ERICH2: variants seen among roughly 807,000 people sequenced by gnomAD.
The protein encoded by ERICH2 is glutamate-rich protein 2.
In ERICH2, 17 loss-of-function variants were observed where a neutral mutation model predicts 17.4. The observed-to-expected ratio is 0.98, with a 90% CI of 0.67 to 1.47. ERICH2 has a LOEUF of 1.47. Among genes scored for constraint, ERICH2 ranks in the 40% most tolerant of loss-of-function variants. The pLI is 0.00. For synonymous variants in ERICH2, 51 were observed against 61.1 expected (o/e 0.83, Z 0.77); for missense variants, 186 against 183.2 (o/e 1.01, Z -0.09).
upstream of ERICH2, among the ~76,000 whole-genome samples, chr2:170,781,255 T>C (rs1157633942): frequency 6.6e-6 from 1 of 152,168 alleles, no homozygotes; most frequent in African/African-American, 2.4e-5. Flanking sequence ...CTTTACATCT[T>C]TTTATATATT....
chr2:170,788,742 G>T (rs1701213432), intron 2 of ERICH2, among the ~76,000 whole-genome samples: 1 of 152,014 alleles, frequency 6.6e-6, no homozygotes, highest in African/African-American at 2.4e-5. Flanking sequence ...CTCCCAAAGT[G>T]CTGGGATTAC....
upstream of ERICH2, among the ~76,000 whole-genome samples, chr2:170,779,416 A>G (rs1190081452): frequency 6.6e-6 from 1 of 152,162 alleles, no homozygotes; most frequent in Non-Finnish European, 1.5e-5. Context: ...GACTCTATAA[A>G]CCACAAGTTT....
At chr2:170,795,514 ATTTTTGTAT>A (rs1198718689) in intron 3 of ERICH2, among the ~76,000 whole-genome samples, 49 of 152,058 alleles carry the variant, frequency 3.2e-4, no homozygotes, top group African/African-American at 9.2e-4. Flanking sequence ...TGCCCAGGTA[ATTTTTGTAT>A]TTTTTGTAGA....
At chr2:170,777,675 G>A in the ERICH2 span, 1 of 1,234,124 alleles carries the variant, frequency 8.1e-7, no homozygotes, top group Middle Eastern at 2.1e-4. Flanking sequence ...ACGAAGCAAT[G>A]TCAGAGTAAG....
the ERICH2 span, chr2:170,770,990 C>A: frequency 1.3e-5 from 2 of 148,486 alleles, no homozygotes; most frequent in South Asian, 1.9e-4. Flanking sequence ...CGCCCCCGCC[C>A]CCGCCACCTC....
chr2:170,796,440 G>GTTTTTT (rs370083171), intron 3 of ERICH2, among the ~76,000 whole-genome samples: 1 of 83,450 alleles, frequency 1.2e-5, no homozygotes. Flanking sequence ...TTTTTTTTTT[G>GTTTTTT]TTTTTTTTTT....
At chr2:170,792,740 C>T (rs1267838478) in intron 2 of ERICH2, 123 bp from the exon 8 acceptor site, 7 of 611,426 alleles carry the variant, frequency 1.1e-5, no homozygotes, top group Non-Finnish European at 1.7e-5. Flanking sequence ...TATAGACTGA[C>T]TCCTGGAAAA....
chr2:170,798,134 C>T, intron 4 of ERICH2, 22 bp downstream of exon 9: 1 of 1,442,820 alleles, frequency 6.9e-7, no homozygotes, highest in Middle Eastern at 1.7e-4. Flanking sequence ...AATTGAAATT[C>T]CTTGTTTCTC....
intron 2 of ERICH2, among the ~76,000 whole-genome samples, chr2:170,789,234 G>A (rs889895110): frequency 2.6e-5 from 4 of 151,836 alleles, no homozygotes; most frequent in Non-Finnish European, 4.4e-5. Context: ...CAAAGTGTTG[G>A]GATTACAGGC....
At chr2:170,798,182 C>G in intron 4 of ERICH2, 70 bp downstream of exon 9, 2 of 1,044,422 alleles carry the variant, frequency 1.9e-6, no homozygotes, top group East Asian at 5.2e-5. Context: ...ACCCATTATC[C>G]CGGGAGATTG....
exon 4 of ERICH2, chr2:170,798,048 C>A (rs1476632718): frequency 1.3e-6 from 2 of 1,547,058 alleles, no homozygotes; most frequent in South Asian, 2.4e-5. Context: ...CAGTCCTAAT[C>A]TATGAACCAG....
At chr2:170,787,708 G>T (rs1394479138) in intron 2 of ERICH2, among the ~76,000 whole-genome samples, 1 of 152,120 alleles carries the variant, frequency 6.6e-6, no homozygotes, top group Non-Finnish European at 1.5e-5. Flanking sequence ...TAGCCACCTT[G>T]GCTATAATCT....
At chr2:170,793,071 A>G (rs575127080) in intron 3 of ERICH2, among the ~76,000 whole-genome samples, 151 bp downstream of exon 8, 7 of 152,374 alleles carry the variant, frequency 4.6e-5, no homozygotes, top group Non-Finnish European at 8.8e-5. Flanking sequence ...GTTGATTGGT[A>G]TAAGTACTAA....
At chr2:170,792,019 C>A (rs927104456) in intron 2 of ERICH2, among the ~76,000 whole-genome samples, 9 of 152,146 alleles carry the variant, frequency 5.9e-5, no homozygotes, top group African/African-American at 1.9e-4. Context: ...CAAGAACAAT[C>A]ATCAAAGTAT....
At chr2:170,773,664 G>C in the ERICH2 span, among the ~76,000 whole-genome samples, 2 of 152,164 alleles carry the variant, frequency 1.3e-5, no homozygotes, top group South Asian at 4.1e-4. Context: ...TGTGTCCCCA[G>C]AGTTTAGCAT....
At chr2:170,794,148 C>T (rs1444601739) in intron 3 of ERICH2, among the ~76,000 whole-genome samples, 6 of 127,582 alleles carry the variant, frequency 4.7e-5, no homozygotes, top group Non-Finnish European at 1.6e-5. Context: ...GCTCTGTCAC[C>T]GAGGCTAGAG....
chr2:170,779,842 T>G (rs538057774), upstream of ERICH2: 2 of 985,128 alleles, frequency 2.0e-6, no homozygotes, highest in South Asian at 9.4e-5. Context: ...ACTTAATACC[T>G]CACCAACACA....
intron 1 of ERICH2, 132 bp from the exon 7 acceptor site, chr2:170,784,514 A>G (rs1701104457): frequency 7.9e-6 from 4 of 503,234 alleles, no homozygotes; most frequent in East Asian, 3.2e-5. Flanking sequence ...AGTGTTTTGA[A>G]TATAAGTTTG....
chr2:170,797,964 A>T, intron 3 of ERICH2, 77 bp from the exon 9 acceptor site: 1 of 974,018 alleles, frequency 1.0e-6, no homozygotes, highest in Non-Finnish European at 1.6e-6. Context: ...TGACAGTTCA[A>T]TTTCATTCTA....
Sources: allele counts gnomAD v4.1 joint callset (sites outside exome capture counted in the v4.1 genomes callset), GRCh38; gene constraint gnomAD v4.1.1; transcripts MANE v1.5; gene names NCBI Gene and HGNC (gene_info 2026-07-23, HGNC 2026-07-21).